Variants in FMNL2 observed in about 807,000 individuals in gnomAD.
The protein encoded by FMNL2 is formin like 2.
Under a neutral mutation model 130.2 loss-of-function variants are expected in FMNL2, and 51 were observed. That is an observed-to-expected ratio of 0.39 (90% CI 0.31 to 0.49). The LOEUF is 0.49. Among genes scored for constraint, FMNL2 ranks in the 20% least tolerant of loss-of-function variants. FMNL2 has a pLI of 0.85. For synonymous variants in FMNL2, 465 were observed against 467.1 expected (o/e 1.00, Z 0.06); for missense variants, 977 against 1,316.2 (o/e 0.74, Z 3.99).
At chr2:152,404,116 C>G (rs1225823417) in intron 1 of FMNL2, among the ~76,000 whole-genome samples, 1 of 152,182 alleles carries the variant, frequency 6.6e-6, no homozygotes, top group African/African-American at 2.4e-5. Flanking sequence ...GGTTATCAAT[C>G]CATACCCCCC....
At position 152,335,563 on chromosome 2, in the gene FMNL2, T is replaced by C; in HGVS notation, c.-41T>C. 2 of 1,523,890 alleles carry C rather than the reference T, an allele frequency of 1.3e-6. No homozygotes were observed. Among genetic ancestry groups the C allele is most frequent in the Middle Eastern group, 1.7e-4 (1 of 5,782 alleles). 94.4% of individuals were successfully genotyped at this position (1,523,890 alleles called of 1,614,324 possible). A position where few individuals can be genotyped will look rare whatever the true frequency, so the allele number is the denominator to read the frequency against. On this transcript the variant is annotated 5_prime_UTR_variant, in exon 1 of 26. Coordinates refer to ENST00000288670, the MANE Select transcript of FMNL2 (RefSeq NM_052905.4). ...CTGTTCTGATTTCCGACGCGCACGC[T>C]AGGGGCCCGGAGCAGCCCCCGGCCC... is the stretch of plus-strand genomic sequence containing the variant.
intron 3 of FMNL2, among the ~76,000 whole-genome samples, chr2:152,547,015 G>A (rs558131841): frequency 1.1e-4 from 17 of 148,138 alleles, no homozygotes; most frequent in Non-Finnish European, 1.8e-4. Flanking sequence ...GCCCGATTTC[G>A]GCTTGCTGCA....
chr2:152,644,586 C>T (rs1381962840), intron 25 of FMNL2, among the ~76,000 whole-genome samples: 1 of 152,180 alleles, frequency 6.6e-6, no homozygotes, highest in Non-Finnish European at 1.5e-5. Context: ...ATGTCATGCC[C>T]ATGTTCAACT....
rs575325954 is a variant in FMNL2 at position 152,582,140 on chromosome 2, C to T, written c.876+1091C>T. Among the ~76,000 whole-genome samples, 3 of 152,282 alleles carry T rather than the reference C, an allele frequency of 2.0e-5. No individual in the cohort carries two copies. In the South Asian group the frequency reaches 6.2e-4, roughly 32 times the overall value. On this transcript the variant is annotated intron_variant, in intron 9 of 25. Coordinates refer to ENST00000288670, the MANE Select transcript of FMNL2 (RefSeq NM_052905.4). Reference sequence around the variant, plus strand: ...CACATAGCTAGATAAGTGACAGAGCCAGGAACAGGACTTGGTGCTCCTGAT... The same window carrying T: ...CACATAGCTAGATAAGTGACAGAGCTAGGAACAGGACTTGGTGCTCCTGAT...
At chr2:152,465,238 C>G (rs563784942) in intron 1 of FMNL2, among the ~76,000 whole-genome samples, 3 of 152,310 alleles carry the variant, frequency 2.0e-5, no homozygotes, top group Admixed American at 2.0e-4. Context: ...ACACCCTGTG[C>G]GAAGGCACTG....
At chr2:152,410,118 A>G (rs2105996031) in intron 1 of FMNL2, among the ~76,000 whole-genome samples, 1 of 152,326 alleles carries the variant, frequency 6.6e-6, no homozygotes, top group South Asian at 2.1e-4. Flanking sequence ...ATAGTCTTTC[A>G]TCAGTGTTGA....
chr2:152,594,376 T>G (rs1280530561), intron 9 of FMNL2, among the ~76,000 whole-genome samples: 1 of 152,200 alleles, frequency 6.6e-6, no homozygotes, highest in African/African-American at 2.4e-5. Context: ...AAAACTGACA[T>G]GTTTGAGGCC....
intron 4 of FMNL2, among the ~76,000 whole-genome samples, chr2:152,558,420 T>C (rs1018162126): frequency 6.6e-6 from 1 of 152,202 alleles, no homozygotes; most frequent in Admixed American, 6.5e-5. Flanking sequence ...TCAATTGTGG[T>C]GGAAAAAGTA....
At chr2:152,617,374 T>C (rs1036568839) in intron 13 of FMNL2, among the ~76,000 whole-genome samples, 182 bp downstream of exon 13, 3 of 152,108 alleles carry the variant, frequency 2.0e-5, no homozygotes, top group Non-Finnish European at 4.4e-5. Context: ...TGTATACACA[T>C]GTGTGTGCAA....
intron 9 of FMNL2, among the ~76,000 whole-genome samples, chr2:152,593,902 T>TGTGTGAGAGAGA (rs1296082394): frequency 1.2e-5 from 1 of 81,636 alleles, no homozygotes; most frequent in East Asian, 3.8e-4. Flanking sequence ...TGTGTGTGTG[T>TGTGTGAGAGAGA]GAGAGAGAGA....
intron 2 of FMNL2, among the ~76,000 whole-genome samples, chr2:152,536,976 T>C (rs1358628783): frequency 6.6e-6 from 1 of 152,228 alleles, no homozygotes; most frequent in Non-Finnish European, 1.5e-5. Flanking sequence ...TCAGAAATGC[T>C]AAGCTAGATG....
chr2:152,493,408 A>G (rs1450814779), intron 1 of FMNL2, among the ~76,000 whole-genome samples: 1 of 152,192 alleles, frequency 6.6e-6, no homozygotes, highest in African/African-American at 2.4e-5. Context: ...GGTACTATGG[A>G]AGGGCACAAA....
intron 1 of FMNL2, among the ~76,000 whole-genome samples, chr2:152,448,866 C>T (rs1196745503): frequency 1.3e-5 from 2 of 152,212 alleles, no homozygotes; most frequent in African/African-American, 4.8e-5. Context: ...TCCGGATTTC[C>T]TACATCTCTC....
intron 1 of FMNL2, among the ~76,000 whole-genome samples, chr2:152,407,083 C>T (rs1686022324): frequency 6.6e-6 from 1 of 152,134 alleles, no homozygotes; most frequent in Non-Finnish European, 1.5e-5. Flanking sequence ...AACCGAGCAT[C>T]TGAAAACTCT....
At chr2:152,481,155 G>T (rs1303155138) in intron 1 of FMNL2, among the ~76,000 whole-genome samples, 1 of 152,026 alleles carries the variant, frequency 6.6e-6, no homozygotes, top group African/African-American at 2.4e-5. Flanking sequence ...ACACTTAACT[G>T]AACAAAAAGT....
At chr2:152,516,563 CAA>C (rs1185717183) in intron 1 of FMNL2, among the ~76,000 whole-genome samples, 1 of 152,120 alleles carries the variant, frequency 6.6e-6, no homozygotes, top group Non-Finnish European at 1.5e-5. Context: ...ATTACAAGGA[CAA>C]AGATATATTA....
At position 152,399,351 on chromosome 2, in the gene FMNL2, C is replaced by G. The variant is rs542886520; in HGVS notation, c.117+63631C>G. On this transcript the variant is annotated intron_variant, in intron 1 of 25. Transcript: ENST00000288670. The stretch of plus-strand genomic sequence containing the variant: ...TGAAATGATGGTTGAAAGGGGGAAG[C>G]CTAGAGAAGTTTGTGAGCCCCGGAT... 9.2e-5 allele frequency among the ~76,000 whole-genome samples: 14 copies of G among 152,244 alleles called. No homozygotes were observed. The South Asian group carries it at 2.7e-3, about 29-fold the overall frequency.
chr2:152,345,712 A>G (rs1384794898), intron 1 of FMNL2, among the ~76,000 whole-genome samples: 2 of 152,202 alleles, frequency 1.3e-5, no homozygotes, highest in African/African-American at 4.8e-5. Context: ...TTTTGGGACC[A>G]GGATGCCATA....
chr2:152,424,746 C>T (rs1456393953), intron 1 of FMNL2, among the ~76,000 whole-genome samples: 1 of 152,164 alleles, frequency 6.6e-6, no homozygotes, highest in East Asian at 1.9e-4. Context: ...TTCTGGCAGA[C>T]TTTCATCCAG....
Sources: gnomAD v4.1 joint callset for allele counts (sites outside exome capture counted in the v4.1 genomes callset) on GRCh38, gnomAD v4.1.1 for gene constraint, MANE v1.5 for transcripts, NCBI Gene and HGNC (gene_info 2026-07-23, HGNC 2026-07-21) for gene names.